The following GRIA4 variants were observed in gnomAD, a reference collection of about 807,000 sequenced individuals.
GRIA4 encodes glutamate ionotropic receptor AMPA type subunit 4.
In GRIA4, 34 loss-of-function variants were observed where a neutral mutation model predicts 104.0. The ratio of observed to expected loss-of-function variants is 0.33; its 90% confidence interval spans 0.25 to 0.44. GRIA4 has a LOEUF of 0.44. GRIA4 is among the 20% of genes least tolerant of loss of function. The pLI, the probability that GRIA4 is intolerant of heterozygous loss-of-function variation, is 1.00. For missense variants in GRIA4, 750 were observed against 1,096.5 expected, an observed-to-expected ratio of 0.68 and a Z score of 4.46; for synonymous variants, 386 against 381.9, an observed-to-expected ratio of 1.01 and a Z score of -0.13.
chr11:105,611,818 A>G (rs893886784), intron 2 of GRIA4, among the ~76,000 whole-genome samples: 1 of 152,200 alleles, frequency 6.6e-6, no homozygotes, highest in African/African-American at 2.4e-5. Flanking sequence ...AAACGGAGTT[A>G]ATTAGGCTGA....
intron 16 of GRIA4, among the ~76,000 whole-genome samples, chr11:105,975,883 G>A (rs1256295315): frequency 6.6e-6 from 1 of 152,022 alleles, no homozygotes; most frequent in Non-Finnish European, 1.5e-5. Context: ...TAGTGACTGA[G>A]TACAATAGCA....
intron 2 of GRIA4, among the ~76,000 whole-genome samples, chr11:105,611,510 C>T (rs920138150): frequency 1.3e-5 from 2 of 152,154 alleles, no homozygotes; most frequent in African/African-American, 4.8e-5. Context: ...CTTGCTATTA[C>T]AGAAAGACAC....
At chr11:105,895,909 A>G (rs1946634692) in intron 6 of GRIA4, among the ~76,000 whole-genome samples, 1 of 152,218 alleles carries the variant, frequency 6.6e-6, no homozygotes, top group Admixed American at 6.5e-5. Flanking sequence ...CTTTTTGACA[A>G]AATGATTTAC....
intron 5 of GRIA4, among the ~76,000 whole-genome samples, chr11:105,864,037 C>T (rs1160097226): frequency 6.6e-6 from 1 of 152,090 alleles, no homozygotes; most frequent in Non-Finnish European, 1.5e-5. Flanking sequence ...TAAAAGGTTT[C>T]TTTTCTATCA....
intron 14 of GRIA4, among the ~76,000 whole-genome samples, chr11:105,936,097 G>A (rs1478684904): frequency 6.6e-6 from 1 of 152,130 alleles, no homozygotes; most frequent in African/African-American, 2.4e-5. Context: ...ACTGAAGGCT[G>A]ACCAGCATGC....
At chr11:105,779,364 C>G (rs1941606381) in intron 4 of GRIA4, among the ~76,000 whole-genome samples, 1 of 152,064 alleles carries the variant, frequency 6.6e-6, no homozygotes, top group African/African-American at 2.4e-5. Flanking sequence ...GCCATACTGC[C>G]CAAGGTAATT....
intron 3 of GRIA4, among the ~76,000 whole-genome samples, chr11:105,663,824 G>A (rs560898115): frequency 6.6e-6 from 1 of 151,900 alleles, no homozygotes; most frequent in Non-Finnish European, 1.5e-5. Context: ...CATCTTCCTG[G>A]TGTATAGAGC....
At chr11:105,641,689 A>G (rs78887452) in intron 3 of GRIA4, among the ~76,000 whole-genome samples, 3,071 of 152,128 alleles carry the variant, frequency 0.02, 59 homozygotes, top group African/African-American at 0.049. Context: ...AAAATTAGAT[A>G]CCTTCCCATC....
chr11:105,933,862 T>C lies in GRIA4; in HGVS notation c.2187T>C (p.Thr729=). 1 of 1,613,546 alleles carries C rather than the reference T, an allele frequency of 6.2e-7. No homozygotes were observed. Among genetic ancestry groups the C allele is most frequent in the Non-Finnish European group, 8.5e-7 (1 of 1,179,616 alleles). Residue 729 remains threonine, a synonymous_variant, in exon 14 of 17, where the codon ACT becomes ACC. Coordinates refer to ENST00000282499, the MANE Select transcript of GRIA4 (RefSeq NM_000829.4). ...AATTTGCCTTTCTCCTGGAGTCCAC[T>C]ATGAATGAATACATTGAGCAGCGAA... ...KGKFAFLLES[T]MNEYIEQRKP... is the part of the protein sequence containing the mutation.
At chr11:105,847,371 C>T (rs553560890) in intron 4 of GRIA4, among the ~76,000 whole-genome samples, 22 of 152,158 alleles carry the variant, frequency 1.4e-4, no homozygotes, top group East Asian at 3.9e-4. Flanking sequence ...GGCCAGGGAC[C>T]GGTAGGGGTC....
chr11:105,878,047 T>C (rs1396906793), intron 5 of GRIA4, among the ~76,000 whole-genome samples: 1 of 152,220 alleles, frequency 6.6e-6, no homozygotes, highest in African/African-American at 2.4e-5. Context: ...CTTCATGGAT[T>C]TATCTACCTT....
chr11:105,694,398 C>T (rs941299109), intron 3 of GRIA4, among the ~76,000 whole-genome samples: 8 of 152,102 alleles, frequency 5.3e-5, no homozygotes, highest in Middle Eastern at 3.2e-3. Context: ...CCACCCACCT[C>T]GGCCTCCCAA....
At chr11:105,641,581 A>G (rs1025768102) in intron 3 of GRIA4, among the ~76,000 whole-genome samples, 8 of 152,202 alleles carry the variant, frequency 5.3e-5, no homozygotes, top group African/African-American at 1.9e-4. Context: ...ACATATGGGC[A>G]ACCATATGAC....
intron 4 of GRIA4, among the ~76,000 whole-genome samples, chr11:105,795,205 C>T (rs527649766): frequency 6.0e-4 from 92 of 152,160 alleles, no homozygotes; most frequent in African/African-American, 2.0e-3. Context: ...ACAGACTTCA[C>T]CAGAATGTTT....
At chr11:105,747,170 G>A (rs1939710064) in intron 3 of GRIA4, among the ~76,000 whole-genome samples, 1 of 151,992 alleles carries the variant, frequency 6.6e-6, no homozygotes, top group African/African-American at 2.4e-5. Flanking sequence ...CACAAACACA[G>A]GTACATCACT....
At chr11:105,812,105 G>A (rs558924886) in intron 4 of GRIA4, among the ~76,000 whole-genome samples, 33 of 152,304 alleles carry the variant, frequency 2.2e-4, no homozygotes, top group Non-Finnish European at 3.5e-4. Flanking sequence ...TCAATACCTC[G>A]CATCTTGCCA....
intron 10 of GRIA4, among the ~76,000 whole-genome samples, chr11:105,915,915 G>A (rs904969709): frequency 5.3e-5 from 8 of 152,236 alleles, no homozygotes; most frequent in South Asian, 2.1e-4. Flanking sequence ...CAAACTCAGC[G>A]GCTCACACCT....
intron 4 of GRIA4, among the ~76,000 whole-genome samples, chr11:105,778,115 A>G (rs1830956810): frequency 6.6e-6 from 1 of 152,136 alleles, no homozygotes; most frequent in Non-Finnish European, 1.5e-5. Context: ...AGTCCTTTCC[A>G]TTTTTATTCC....
chr11:105,676,238 T>C (rs1952531327), intron 3 of GRIA4, among the ~76,000 whole-genome samples: 1 of 151,686 alleles, frequency 6.6e-6, no homozygotes, highest in Non-Finnish European at 1.5e-5. Context: ...GTAACAAATA[T>C]TGTAATTGAA....
Sources: gnomAD v4.1 joint callset for allele counts (sites outside exome capture counted in the v4.1 genomes callset) on GRCh38, gnomAD v4.1.1 for gene constraint, MANE v1.5 for transcripts, NCBI Gene and HGNC (gene_info 2026-07-23, HGNC 2026-07-21) for gene names.